The following EPHA6 variants were observed in gnomAD, a reference collection of about 807,000 sequenced individuals.
The protein encoded by EPHA6 is ephrin type-A receptor 6.
A neutral mutation model predicts 112.0 loss-of-function variants in EPHA6; 50 were observed. That is an observed-to-expected ratio of 0.45 (90% CI 0.36 to 0.56). The LOEUF is 0.56. EPHA6 is among the 20% of genes least tolerant of loss of function. The pLI is 0.00. For synonymous variants in EPHA6, 529 were observed against 490.7 expected (o/e 1.08, Z -1.03); for missense variants, 1,280 against 1,417.4 (o/e 0.90, Z 1.56).
intron 14 of EPHA6, among the ~76,000 whole-genome samples, chr3:97,654,498 G>A (rs2094126053): frequency 6.6e-6 from 1 of 151,862 alleles, no homozygotes; most frequent in Admixed American, 6.6e-5. Context: ...CTCAGATAGT[G>A]ATAAATATTG....
At chr3:97,379,671 C>T (rs1387167950) in intron 5 of EPHA6, among the ~76,000 whole-genome samples, 1 of 145,844 alleles carries the variant, frequency 6.9e-6, no homozygotes, top group African/African-American at 2.6e-5. Context: ...ATTGTTTGAA[C>T]CTGGGAGGCA....
chr3:97,658,747 C>CTTTATTAA lies in EPHA6; in HGVS notation c.2784+20665_2784+20666insTTTATTAA, dbSNP rs548864486. On this transcript the variant is annotated intron_variant, in intron 14 of 17. Coordinates refer to ENST00000389672, the MANE Select transcript of EPHA6 (RefSeq NM_001080448.3). The stretch of plus-strand genomic sequence containing the variant: ...TTAGAAACTACAGTAATCTCCAGAT[C>CTTTATTAA]ACTTTATTAAAACTGCACATGCTGA... Among the ~76,000 whole-genome samples the CTTTATTAA allele has an allele frequency of 9.2e-5, 14 of 151,922 alleles. No homozygotes were observed. The South Asian group carries it at 2.7e-3, about 29-fold the overall frequency.
chr3:97,659,659 A>G (rs1387681671), intron 14 of EPHA6, among the ~76,000 whole-genome samples: 6 of 152,056 alleles, frequency 3.9e-5, no homozygotes, highest in African/African-American at 1.2e-4. Context: ...GAGAATATTG[A>G]AATATAACGT....
chr3:97,662,386 C>T (rs1343441857), intron 14 of EPHA6, among the ~76,000 whole-genome samples: 2 of 152,258 alleles, frequency 1.3e-5, no homozygotes, highest in East Asian at 3.9e-4. Flanking sequence ...TGGAGGTGCC[C>T]TAAGAAAGGG....
intron 5 of EPHA6, among the ~76,000 whole-genome samples, chr3:97,330,500 G>A (rs187795258): frequency 3.3e-5 from 5 of 152,196 alleles, no homozygotes; most frequent in African/African-American, 1.2e-4. Flanking sequence ...TCATTGAGCA[G>A]TGGTTTGTAG....
chr3:96,915,030 T>A (rs892519442), intron 2 of EPHA6, among the ~76,000 whole-genome samples: 2 of 151,680 alleles, frequency 1.3e-5, no homozygotes, highest in African/African-American at 4.8e-5. Flanking sequence ...TATTATTTAA[T>A]ATTATTATTA....
chr3:97,084,151 C>CAA (rs1469982160), intron 3 of EPHA6, among the ~76,000 whole-genome samples: 1 of 145,030 alleles, frequency 6.9e-6, no homozygotes, highest in African/African-American at 2.5e-5. Context: ...CACACACACA[C>CAA]ACACACACAA....
chr3:97,627,365 A>C (rs2093866659), intron 13 of EPHA6, among the ~76,000 whole-genome samples: 1 of 151,810 alleles, frequency 6.6e-6, no homozygotes, highest in South Asian at 2.1e-4. Flanking sequence ...AGTGGAGTTG[A>C]GAGTGGGTTT....
rs184039221 is a variant in EPHA6, at chr3:96,841,146, G to A, written c.386-25679G>A. The stretch of plus-strand genomic sequence containing the variant: ...GTACATTGGCTCAGTCCAGAAAGGT[G>A]GAACAACTCGAGGTGAAGGCTGGTC... On this transcript the variant is annotated intron_variant, in intron 1 of 17. Transcript: ENST00000389672. 2.9e-3 allele frequency among the ~76,000 whole-genome samples: 438 copies of A among 152,162 alleles called. 1 individual carries two copies. The highest frequency in any genetic ancestry group is 5.2e-3 in the Non-Finnish European group (352 of 67,982).
intron 3 of EPHA6, among the ~76,000 whole-genome samples, chr3:97,213,322 T>C (rs2077931830): frequency 6.6e-6 from 1 of 152,214 alleles, no homozygotes; most frequent in Admixed American, 6.5e-5. Context: ...CCCAACCCTC[T>C]TGGAACCACA....
intron 13 of EPHA6, among the ~76,000 whole-genome samples, chr3:97,623,816 C>T (rs922349387): frequency 6.6e-6 from 1 of 151,642 alleles, no homozygotes; most frequent in Non-Finnish European, 1.5e-5. Flanking sequence ...AGCAATCATA[C>T]ATGAAAAGGT....
chr3:97,636,561 A>C (rs1376003623), intron 13 of EPHA6, among the ~76,000 whole-genome samples: 1 of 152,084 alleles, frequency 6.6e-6, no homozygotes, highest in African/African-American at 2.4e-5. Context: ...AGATATTATC[A>C]GAGAGCTATC....
At chr3:97,267,300 A>T (rs2079718798) in intron 5 of EPHA6, among the ~76,000 whole-genome samples, 1 of 152,164 alleles carries the variant, frequency 6.6e-6, no homozygotes, top group Non-Finnish European at 1.5e-5. Flanking sequence ...ATGAACACAG[A>T]TGCATCGGTC....
At chr3:97,718,498 A>T (rs146666142) in intron 14 of EPHA6, among the ~76,000 whole-genome samples, 37 of 152,206 alleles carry the variant, frequency 2.4e-4, no homozygotes, top group African/African-American at 7.5e-4. Flanking sequence ...AATATTTGGG[A>T]TGTACTTATA....
chr3:97,388,615 C>T (rs1441220366), intron 5 of EPHA6, among the ~76,000 whole-genome samples: 1 of 152,124 alleles, frequency 6.6e-6, no homozygotes, highest in Non-Finnish European at 1.5e-5. Context: ...ATTTCTTATC[C>T]TATTGCTGAC....
chr3:97,352,057 G>A (rs1241115977), intron 5 of EPHA6, among the ~76,000 whole-genome samples: 1 of 152,130 alleles, frequency 6.6e-6, no homozygotes, highest in African/African-American at 2.4e-5. Context: ...TTAAGACAAT[G>A]ATCTGGATAG....
At chr3:97,646,079 A>G (rs1264786027) in intron 14 of EPHA6, 8 of 1,427,790 alleles carry the variant, frequency 5.6e-6, no homozygotes, top group Non-Finnish European at 7.5e-6. Context: ...AAATACGGAC[A>G]GAATAGGCAT....
chr3:97,588,520 A>G (rs2093513019), intron 11 of EPHA6, among the ~76,000 whole-genome samples: 1 of 152,224 alleles, frequency 6.6e-6, no homozygotes, highest in Admixed American at 6.5e-5. Flanking sequence ...TCAAAAGTAA[A>G]TTATTAACAT....
chr3:97,716,189 G>A (rs911522723), intron 14 of EPHA6, among the ~76,000 whole-genome samples: 3 of 152,134 alleles, frequency 2.0e-5, no homozygotes, highest in Non-Finnish European at 2.9e-5. Flanking sequence ...CATTACCTCT[G>A]TATATGATTC....
Sources: gnomAD v4.1 joint callset for allele counts (sites outside exome capture counted in the v4.1 genomes callset) on GRCh38, gnomAD v4.1.1 for gene constraint, MANE v1.5 for transcripts, NCBI Gene and HGNC (gene_info 2026-07-23, HGNC 2026-07-21) for gene names.